Variants in FRMD5 observed in about 807,000 individuals in gnomAD.
FRMD5 encodes the protein FERM domain-containing protein 5.
FRMD5 carries 20 observed loss-of-function variants against 69.0 expected under a neutral mutation model. That is an observed-to-expected ratio of 0.29 (90% CI 0.20 to 0.42). The LOEUF is 0.42. Ranked by LOEUF, FRMD5 falls within the 10% of genes least tolerant of loss-of-function variation. The probability of loss-of-function intolerance (pLI) is 1.00; values close to 1 mark genes in which losing one functional copy is unlikely to be tolerated. For missense variants in FRMD5, 595 were observed against 708.6 expected (o/e 0.84, Z 1.82); for synonymous variants, 271 against 260.1 (o/e 1.04, Z -0.40).
At chr15:44,103,435 T>C (rs2076669933) in intron 1 of FRMD5, among the ~76,000 whole-genome samples, 1 of 152,250 alleles carries the variant, frequency 6.6e-6, no homozygotes, top group African/African-American at 2.4e-5. Context: ...TTTGGCGTTT[T>C]ACCTTCCCTC....
At chr15:44,153,392 G>A (rs1383710696) in intron 1 of FRMD5, among the ~76,000 whole-genome samples, 2 of 152,218 alleles carry the variant, frequency 1.3e-5, no homozygotes, top group East Asian at 3.9e-4. Context: ...ACTTTAAAAG[G>A]AAGGAAACTC....
chr15:44,105,221 C>T (rs982208722), intron 1 of FRMD5, among the ~76,000 whole-genome samples: 9 of 151,754 alleles, frequency 5.9e-5, no homozygotes, highest in South Asian at 4.2e-4. Flanking sequence ...GGACCACAAG[C>T]GCGCAACACC....
intron 1 of FRMD5, among the ~76,000 whole-genome samples, chr15:44,078,570 A>G (rs1893866553): frequency 6.6e-6 from 1 of 152,160 alleles, no homozygotes; most frequent in South Asian, 2.1e-4. Context: ...ACTGTACTGC[A>G]TAAGAACAGA....
chr15:43,899,553 C>T (rs1395136830), intron 7 of FRMD5, among the ~76,000 whole-genome samples: 7 of 152,188 alleles, frequency 4.6e-5, no homozygotes, highest in Non-Finnish European at 8.8e-5. Flanking sequence ...TAACATCTAC[C>T]TCCCAGGGCT....
chr15:43,938,147 T>C (rs1223417786), intron 1 of FRMD5, among the ~76,000 whole-genome samples: 1 of 147,828 alleles, frequency 6.8e-6, no homozygotes, highest in Non-Finnish European at 1.5e-5. Flanking sequence ...AGGAGAATGG[T>C]GTCAACCCAG....
chr15:43,875,804 GTTTTTTTTTTTTTTT>G lies in FRMD5; in HGVS notation c.1136-1357_1136-1343del. 3.4e-5 allele frequency: 7 copies of G among 208,380 alleles called. 1 individual carries two copies. In the East Asian group the frequency reaches 5.8e-4, roughly 17 times the overall value. The allele number at this position is 208,380 out of a possible 1,614,324, so 12.9% of individuals were successfully genotyped here. A position where few individuals can be genotyped will look rare whatever the true frequency, so the allele number is the denominator to read the frequency against. ...TCTTGCCTTTGGTGTCCTGGGCCTA[GTTTTTTTTTTTTTTT>G]TTTTTTTTCTTTCAGTCTTTCATAT... On this transcript the variant is annotated intron_variant, in intron 13 of 13. Transcript: ENST00000417257.
At position 44,164,000 on chromosome 15, in the gene FRMD5, T is replaced by C. The variant is rs185298243; in HGVS notation, c.102+30953A>G. ...CTGCCTTGCTTCTAGCAAGGGGAAG[T>C]CTTTCAAACCTGAGATCCATTTTAT... is the stretch of plus-strand genomic sequence containing the variant. On this transcript the variant is annotated intron_variant, in intron 1 of 13. Coordinates refer to ENST00000417257, the MANE Select transcript of FRMD5 (RefSeq NM_032892.5). Among the ~76,000 whole-genome samples the C allele has an allele frequency of 6.6e-5, 10 of 152,324 alleles. No homozygotes were observed. In the East Asian group the frequency reaches 1.9e-3, roughly 29 times the overall value.
At chr15:43,990,016 T>C (rs1217270070) in intron 1 of FRMD5, 4 of 877,454 alleles carry the variant, frequency 4.6e-6, no homozygotes, top group Non-Finnish European at 7.7e-6. Flanking sequence ...CTGGACCTCG[T>C]TGCCCACATA....
intron 1 of FRMD5, among the ~76,000 whole-genome samples, chr15:43,924,611 T>C (rs1242118703): frequency 6.6e-6 from 1 of 152,210 alleles, no homozygotes; most frequent in African/African-American, 2.4e-5. Context: ...ACTGTGGGTG[T>C]AGGGAATGTC....
At chr15:43,913,590 C>T (rs1958647116) in intron 4 of FRMD5, among the ~76,000 whole-genome samples, 1 of 152,248 alleles carries the variant, frequency 6.6e-6, no homozygotes, top group South Asian at 2.1e-4. Context: ...ATGTTCTCCC[C>T]TGCCACACAA....
In FRMD5 at chr15:43,873,700, A is replaced by T; in HGVS notation, c.*185T>A. On this transcript the variant is annotated 3_prime_UTR_variant, in exon 14 of 14. Transcript: ENST00000417257. Reference sequence around the variant, plus strand: ...GAAAATGAGTTTTCCCAGTTTGTTTAGACAGGGCATGAGCCTATCCCTTTC... The same window carrying T: ...GAAAATGAGTTTTCCCAGTTTGTTTTGACAGGGCATGAGCCTATCCCTTTC... The T allele has an allele frequency of 6.6e-7, 1 of 1,512,368 alleles. No individual in the cohort carries two copies. Among genetic ancestry groups the T allele is most frequent in the Non-Finnish European group, 8.8e-7 (1 of 1,139,594 alleles). 93.7% of individuals were successfully genotyped at this position (1,512,368 alleles called of 1,614,324 possible). A position where few individuals can be genotyped will look rare whatever the true frequency, so the allele number is the denominator to read the frequency against.
intron 1 of FRMD5, among the ~76,000 whole-genome samples, chr15:43,943,725 A>C (rs1199953181): frequency 6.6e-6 from 1 of 152,268 alleles, no homozygotes; most frequent in African/African-American, 2.4e-5. Flanking sequence ...AACCACTAGC[A>C]GCTGGGAAGA....
chr15:43,993,255 C>T lies in FRMD5; in HGVS notation c.103-68946G>A, dbSNP rs149426874. On this transcript the variant is annotated intron_variant, in intron 1 of 13. Transcript: ENST00000417257. ...GTTGCCAGGCTGGAATGCAGTGGCA[C>T]GATCTCGGCTCACTGCAACCTGGAA... Among the ~76,000 whole-genome samples the T allele has an allele frequency of 5.9e-3, 900 of 152,212 alleles. 5 individuals are homozygous for T. The highest frequency in any genetic ancestry group is 0.018 in the African/African-American group (763 of 41,520).
At chr15:43,902,304 C>T (rs746583598) in intron 6 of FRMD5, 42 bp from the exon 7 acceptor site, 3 of 1,500,888 alleles carry the variant, frequency 2.0e-6, no homozygotes, top group African/African-American at 2.8e-5. Flanking sequence ...TGTCTTGTTC[C>T]CACAGGTTCC....
chr15:43,870,853 T>C lies in FRMD5; in HGVS notation c.*3032A>G, dbSNP rs555322308. ...TACATACTGCATATGTAGAAAAAAGTACATTGCTTTGAAGGAAAATGTAAC... is the reference window on the plus strand; with the variant it reads ...TACATACTGCATATGTAGAAAAAAGCACATTGCTTTGAAGGAAAATGTAAC... On this transcript the variant is annotated 3_prime_UTR_variant, in exon 14 of 14. Coordinates refer to ENST00000417257, the MANE Select transcript of FRMD5 (RefSeq NM_032892.5). The C allele has an allele frequency of 6.6e-6, 1 of 152,330 alleles. No homozygotes were observed. Among genetic ancestry groups the C allele is most frequent in the Non-Finnish European group, 1.5e-5 (1 of 68,020 alleles). 9.4% of individuals were successfully genotyped at this position (152,330 alleles called of 1,614,324 possible).
intron 1 of FRMD5, among the ~76,000 whole-genome samples, chr15:44,021,152 G>A (rs1405218377): frequency 6.6e-6 from 1 of 152,084 alleles, no homozygotes; most frequent in African/African-American, 2.4e-5. Flanking sequence ...CAGGTGTGAT[G>A]GTGTGCATCT....
At chr15:44,172,962 C>T (rs192190309) in intron 1 of FRMD5, among the ~76,000 whole-genome samples, 298 of 152,252 alleles carry the variant, frequency 2.0e-3, no homozygotes, top group Non-Finnish European at 2.4e-3. Flanking sequence ...TGAGGACTGG[C>T]AAATAACTTT....
intron 1 of FRMD5, among the ~76,000 whole-genome samples, chr15:44,014,995 T>C (rs895679337): frequency 6.6e-6 from 1 of 152,080 alleles, no homozygotes; most frequent in Non-Finnish European, 1.5e-5. Flanking sequence ...GTAAAAACCA[T>C]AGTACTATCT....
intron 5 of FRMD5, among the ~76,000 whole-genome samples, chr15:43,906,942 C>A (rs2089191034): frequency 6.6e-6 from 1 of 152,136 alleles, no homozygotes; most frequent in African/African-American, 2.4e-5. Flanking sequence ...AAGTCCCTGC[C>A]AGGTGTGAGC....
Sources: gnomAD v4.1 joint callset for allele counts (sites outside exome capture counted in the v4.1 genomes callset) on GRCh38, gnomAD v4.1.1 for gene constraint, MANE v1.5 for transcripts, NCBI Gene and HGNC (gene_info 2026-07-23, HGNC 2026-07-21) for gene names.